The following DSCAM variants were observed in gnomAD, a reference collection of about 807,000 sequenced individuals.
DSCAM encodes cell adhesion molecule DSCAM.
In DSCAM, 47 loss-of-function variants were observed where a neutral mutation model predicts 217.7. The observed-to-expected ratio is 0.22, with a 90% CI of 0.17 to 0.28. DSCAM has a LOEUF of 0.28. Ranked by LOEUF, DSCAM falls within the 10% of genes least tolerant of loss-of-function variation. The probability of loss-of-function intolerance (pLI) is 1.00; values close to 1 mark genes in which losing one functional copy is unlikely to be tolerated. For missense variants in DSCAM, 2,080 were observed against 2,618.3 expected, an observed-to-expected ratio of 0.79 and a Z score of 4.49; for synonymous variants, 1,056 against 1,015.3, an observed-to-expected ratio of 1.04 and a Z score of -0.76.
chr21:40,673,701 T>C (rs1464315500), intron 3 of DSCAM, among the ~76,000 whole-genome samples: 4 of 152,102 alleles, frequency 2.6e-5, no homozygotes, highest in Non-Finnish European at 5.9e-5. Context: ...ATTTTTCAGA[T>C]GGTAAGTTCT....
chr21:40,011,728 A>AACTT lies in DSCAM; in HGVS notation c.*1302_*1305dup, dbSNP rs2088058756. The AACTT allele has an allele frequency of 6.6e-6, 1 of 152,154 alleles. No individual in the cohort carries two copies. The highest frequency in any genetic ancestry group is 2.4e-5 in the African/African-American group (1 of 41,432). 9.4% of individuals were successfully genotyped at this position (152,154 alleles called of 1,614,324 possible). A position where few individuals can be genotyped will look rare whatever the true frequency, so the allele number is the denominator to read the frequency against. On this transcript the variant is annotated 3_prime_UTR_variant, in exon 33 of 33. Transcript: ENST00000400454. ...ATAAAGTGAGGGAAAGGAAAGTAAA[A>AACTT]ACTTAGATTTTAGAGGAACATCACT...
intron 3 of DSCAM, among the ~76,000 whole-genome samples, chr21:40,633,205 C>T (rs1374124295): frequency 6.6e-6 from 1 of 152,192 alleles, no homozygotes; most frequent in Non-Finnish European, 1.5e-5. Context: ...CAATGTGATA[C>T]TTGGGTTTTG....
At chr21:40,522,346 A>G (rs989195602) in intron 3 of DSCAM, among the ~76,000 whole-genome samples, 4 of 152,252 alleles carry the variant, frequency 2.6e-5, no homozygotes, top group African/African-American at 9.6e-5. Context: ...TAGCAAAGCA[A>G]TTCGTTCCAC....
chr21:40,821,527 C>T (rs892894332), intron 1 of DSCAM, among the ~76,000 whole-genome samples: 5 of 152,094 alleles, frequency 3.3e-5, no homozygotes, highest in African/African-American at 4.8e-5. Context: ...AAAGCCCTCC[C>T]GAAGTACAGT....
At chr21:40,666,388 A>G (rs376165360) in intron 3 of DSCAM, among the ~76,000 whole-genome samples, 23 of 152,288 alleles carry the variant, frequency 1.5e-4, no homozygotes, top group African/African-American at 5.5e-4. Flanking sequence ...CAGAAGGGCT[A>G]AATAACTTAC....
intron 1 of DSCAM, among the ~76,000 whole-genome samples, chr21:40,778,851 C>A (rs2091513176): frequency 6.6e-6 from 1 of 151,560 alleles, no homozygotes; most frequent in Non-Finnish European, 1.5e-5. Flanking sequence ...ATGGAGAAAA[C>A]CCATCTCTAC....
At chr21:40,616,905 TAC>T (rs2089402986) in intron 3 of DSCAM, among the ~76,000 whole-genome samples, 1 of 144,792 alleles carries the variant, frequency 6.9e-6, no homozygotes, top group African/African-American at 2.5e-5. Flanking sequence ...TAGTCCCAGC[TAC>T]TTGGGAGGCT....
At chr21:40,441,852 T>C in intron 3 of DSCAM, among the ~76,000 whole-genome samples, 1 of 152,224 alleles carries the variant, frequency 6.6e-6, no homozygotes, top group Non-Finnish European at 1.5e-5. Context: ...GATGGAATCA[T>C]TTCTGAGTTT....
At chr21:40,040,999 G>T (rs891058539) in intron 32 of DSCAM, among the ~76,000 whole-genome samples, 1 of 152,136 alleles carries the variant, frequency 6.6e-6, no homozygotes, top group African/African-American at 2.4e-5. Flanking sequence ...GAGGTAGACA[G>T]AATGAAAATA....
intron 3 of DSCAM, among the ~76,000 whole-genome samples, chr21:40,653,440 A>G (rs2090038605): frequency 6.6e-6 from 1 of 152,168 alleles, no homozygotes; most frequent in Non-Finnish European, 1.5e-5. Context: ...GATGTTGTTG[A>G]AAGAGCCTTT....
At chr21:40,818,493 C>T (rs2091901311) in intron 1 of DSCAM, among the ~76,000 whole-genome samples, 1 of 130,544 alleles carries the variant, frequency 7.7e-6, no homozygotes, top group East Asian at 2.3e-4. Context: ...TTGCAGTGAG[C>T]CAAGATCGCA....
chr21:40,305,918 G>A (rs111356738), intron 9 of DSCAM, among the ~76,000 whole-genome samples: 15,930 of 152,082 alleles, frequency 0.1, 1,321 homozygotes, highest in African/African-American at 0.23. Context: ...TTGACTTGGC[G>A]ACGCGGGCTC....
At chr21:40,280,224 C>A (rs1419791597) in intron 10 of DSCAM, among the ~76,000 whole-genome samples, 3 of 145,784 alleles carry the variant, frequency 2.1e-5, no homozygotes, top group African/African-American at 7.8e-5. Context: ...CTCTTTTGCC[C>A]AGGTTGGAGG....
At chr21:40,691,511 C>T (rs909410336) in intron 3 of DSCAM, among the ~76,000 whole-genome samples, 6 of 152,182 alleles carry the variant, frequency 3.9e-5, no homozygotes, top group Admixed American at 3.9e-4. Flanking sequence ...GCCATTAAGA[C>T]AACTAACATG....
intron 1 of DSCAM, among the ~76,000 whole-genome samples, chr21:40,819,936 A>G (rs2837838): frequency 0.91 from 138,454 of 152,208 alleles, 63,113 homozygotes; most frequent in Admixed American, 0.93. Flanking sequence ...ATTCCCAAGA[A>G]CAGGATATCA....
intron 32 of DSCAM, among the ~76,000 whole-genome samples, chr21:40,021,123 CAG>C (rs1568892569): frequency 7.4e-6 from 1 of 134,652 alleles, no homozygotes; most frequent in East Asian, 2.2e-4. Context: ...AGAGAGGGAT[CAG>C]AGAGATGGAA....
At chr21:40,444,392 C>A (rs188453293) in intron 3 of DSCAM, among the ~76,000 whole-genome samples, 2 of 152,144 alleles carry the variant, frequency 1.3e-5, no homozygotes, top group Non-Finnish European at 2.9e-5. Context: ...GAAGAGAAAA[C>A]CCCACATACT....
At chr21:40,407,276 AT>A (rs1223092620) in intron 3 of DSCAM, among the ~76,000 whole-genome samples, 1 of 152,214 alleles carries the variant, frequency 6.6e-6, no homozygotes, top group African/African-American at 2.4e-5. Context: ...CAACATAAGT[AT>A]ATACAATTTT....
At chr21:40,252,388 A>C (rs1284215692) in intron 11 of DSCAM, among the ~76,000 whole-genome samples, 1 of 152,178 alleles carries the variant, frequency 6.6e-6, no homozygotes, top group East Asian at 1.9e-4. Context: ...GTATCTGCCC[A>C]TAGATATAAA....
Sources: allele counts gnomAD v4.1 joint callset (sites outside exome capture counted in the v4.1 genomes callset), GRCh38; gene constraint gnomAD v4.1.1; transcripts MANE v1.5; gene names NCBI Gene and HGNC (gene_info 2026-07-23, HGNC 2026-07-21).